Variants in GLUD1 observed in about 807,000 individuals in gnomAD.
GLUD1 encodes glutamate dehydrogenase 1, also known as glutamate dehydrogenase 1, mitochondrial.
In GLUD1, 22 loss-of-function variants were observed where a neutral mutation model predicts 56.0. The observed-to-expected ratio is 0.39, with a 90% confidence interval of 0.28 to 0.56. The LOEUF (loss-of-function observed/expected upper bound fraction) is 0.56, where lower values mean the gene tolerates loss of function less well. GLUD1 is among the 20% of genes least tolerant of loss of function. GLUD1 has a pLI of 0.58. For synonymous variants in GLUD1, 223 were observed against 269.9 expected, an observed-to-expected ratio of 0.83 and a Z score of 1.70; for missense variants, 451 against 732.0, an observed-to-expected ratio of 0.62 and a Z score of 4.43.
chr10:87,054,748 T>A (rs1293287093), intron 11 of GLUD1, among the ~76,000 whole-genome samples: 1 of 152,122 alleles, frequency 6.6e-6, no homozygotes, highest in East Asian at 1.9e-4. Flanking sequence ...CAGCATTTGG[T>A]AAGCTGAGGG....
At position 87,060,819 on chromosome 10, in the gene GLUD1, C is replaced by T; in HGVS notation, c.1066G>A (p.Gly356Arg). ...KELEDFKLQH[G>R]SILGFPKAKP... ...GCCTTGGGGAAGCCCAGAATGGACC[C>T]ATGTTGCTGCCATTGATTGAAAATC... Residue 356 changes from glycine to arginine, a missense_variant, in exon 8 of 13, where the codon GGG becomes AGG. By Grantham distance (125) the Gly-to-Arg change is moderately radical. This residue lies in a region of GLUD1 where 248 missense variants were observed against 460.0 expected (regional missense o/e 0.54). Coordinates refer to ENST00000277865, the MANE Select transcript of GLUD1 (RefSeq NM_005271.5). 1 of 1,614,180 alleles carries T rather than the reference C, an allele frequency of 6.2e-7. No individual in the cohort carries two copies. The highest frequency in any genetic ancestry group is 8.5e-7 in the Non-Finnish European group (1 of 1,180,038).
At chr10:87,076,064 TAA>T (rs1695611787) in intron 2 of GLUD1, 41 bp from the exon 3 acceptor site, 2 of 1,364,588 alleles carry the variant, frequency 1.5e-6, no homozygotes, top group African/African-American at 1.4e-5. Context: ...ATATAAATGT[TAA>T]AAAAGTAAAA....
intron 1 of GLUD1, among the ~76,000 whole-genome samples, chr10:87,083,826 C>T (rs1378414988): frequency 1.3e-5 from 2 of 152,060 alleles, no homozygotes; most frequent in African/African-American, 4.8e-5. Context: ...TACACACACA[C>T]ACACACACAC....
intron 11 of GLUD1, among the ~76,000 whole-genome samples, chr10:87,055,536 T>C (rs988023118): frequency 6.6e-6 from 1 of 152,178 alleles, no homozygotes; most frequent in Non-Finnish European, 1.5e-5. Flanking sequence ...GATGCACTGC[T>C]AGCCACTTGG....
intron 1 of GLUD1, among the ~76,000 whole-genome samples, chr10:87,081,559 G>C (rs1209246563): frequency 2.0e-5 from 3 of 152,122 alleles, no homozygotes; most frequent in Admixed American, 2.0e-4. Flanking sequence ...TGTCTGTGTG[G>C]AAAGAAGTAG....
chr10:87,061,535 TTAAG>T (rs1208476863), intron 6 of GLUD1, among the ~76,000 whole-genome samples: 2 of 152,064 alleles, frequency 1.3e-5, no homozygotes, highest in Non-Finnish European at 2.9e-5. Flanking sequence ...GGCAGTGGTG[TTAAG>T]TACACCACCA....
At chr10:87,084,657 G>C (rs1841340278) in intron 1 of GLUD1, among the ~76,000 whole-genome samples, 1 of 152,078 alleles carries the variant, frequency 6.6e-6, no homozygotes, top group Non-Finnish European at 1.5e-5. Flanking sequence ...CTTGAACCTG[G>C]TTCTCTTAAT....
chr10:87,074,506 T>G (rs1296194268), intron 4 of GLUD1, 45 bp downstream of exon 4: 1 of 1,141,826 alleles, frequency 8.8e-7, no homozygotes, highest in East Asian at 2.3e-5. Flanking sequence ...AAAAAAATTT[T>G]TAGATGTTCC....
At position 87,094,269 on chromosome 10, in the gene GLUD1, A is replaced by AGGGGAGGGCCGCAGGGGAGGC; in HGVS notation, c.445+35_445+55dup. ...CGGCCCCGCACCGGCAGGAGGCCGG[A>AGGGGAGGGCCGCAGGGGAGGC]GGGGAGGGCCGCAGGGGAGGCAGGG... is the stretch of plus-strand genomic sequence containing the variant. On this transcript the variant is annotated intron_variant, in intron 1 of 12. Transcript: ENST00000277865. The surrounding 1 kb of genome is among the most constrained non-coding windows in gnomAD (Gnocchi z 6.6). 1.3e-6 allele frequency: 2 copies of AGGGGAGGGCCGCAGGGGAGGC among 1,507,978 alleles called. No homozygotes were observed. The highest frequency in any genetic ancestry group is 1.8e-6 in the Non-Finnish European group (2 of 1,117,946). 93.4% of individuals were successfully genotyped at this position (1,507,978 alleles called of 1,614,324 possible). A position where few individuals can be genotyped will look rare whatever the true frequency, so the allele number is the denominator to read the frequency against.
rs141569975 is a variant in GLUD1, at chr10:87,060,024, C to T, written c.1278+137G>A. ...AGGCTTAGAATTAACCATGCTTCTACTATATTTTCTCAAAAGTGAAAAAGA... is the reference window on the plus strand; with the variant it reads ...AGGCTTAGAATTAACCATGCTTCTATTATATTTTCTCAAAAGTGAAAAAGA... On this transcript the variant is annotated intron_variant, in intron 9 of 12. Coordinates refer to ENST00000277865, the MANE Select transcript of GLUD1 (RefSeq NM_005271.5). 191 of 685,068 alleles carry T rather than the reference C, an allele frequency of 2.8e-4. No homozygotes were observed. The African/African-American group carries it at 3.1e-3, about 11-fold the overall frequency. The allele number at this position is 685,068 out of a possible 1,614,324, so 42.4% of individuals were successfully genotyped here. A position where few individuals can be genotyped will look rare whatever the true frequency, so the allele number is the denominator to read the frequency against.
intron 1 of GLUD1, among the ~76,000 whole-genome samples, chr10:87,080,062 C>G (rs554761226): frequency 4.0e-5 from 6 of 151,740 alleles, no homozygotes; most frequent in Non-Finnish European, 8.8e-5. Flanking sequence ...CTCAGCCTGC[C>G]GAGTGCCTGC....
intron 4 of GLUD1, among the ~76,000 whole-genome samples, chr10:87,069,505 ACT>A (rs1191014228): frequency 6.9e-6 from 1 of 145,768 alleles, no homozygotes; most frequent in East Asian, 2.0e-4. Context: ...ACAGAGTAAG[ACT>A]CTGTTTCAAA....
At chr10:87,081,063 A>G (rs1841230708) in intron 1 of GLUD1, among the ~76,000 whole-genome samples, 3 of 115,604 alleles carry the variant, frequency 2.6e-5, no homozygotes, top group Admixed American at 9.0e-5. Context: ...TCCGGGAGGG[A>G]GGTGGGGGGG....
At chr10:87,070,008 T>A (rs1486149599) in intron 4 of GLUD1, among the ~76,000 whole-genome samples, 1 of 152,270 alleles carries the variant, frequency 6.6e-6, no homozygotes, top group African/African-American at 2.4e-5. Flanking sequence ...ATTCCTTTAG[T>A]GACATACCTC....
chr10:87,087,017 A>T (rs1037003623), intron 1 of GLUD1, among the ~76,000 whole-genome samples: 9 of 151,776 alleles, frequency 5.9e-5, no homozygotes, highest in Non-Finnish European at 1.2e-4. Context: ...GCTCAGTCGC[A>T]CAAGACTGTT....
chr10:87,066,897 T>A (rs1244697677), intron 5 of GLUD1, among the ~76,000 whole-genome samples: 1 of 152,248 alleles, frequency 6.6e-6, no homozygotes, highest in Non-Finnish European at 1.5e-5. Context: ...TTCAGTTCTG[T>A]GGTACTACCT....
At chr10:87,063,061 T>G (rs927361911) in intron 5 of GLUD1, among the ~76,000 whole-genome samples, 16 of 128,824 alleles carry the variant, frequency 1.2e-4, no homozygotes, top group South Asian at 4.5e-4. Context: ...TTTTCTGTTT[T>G]TTTTTTTGTT....
intron 11 of GLUD1, among the ~76,000 whole-genome samples, chr10:87,054,065 T>C (rs1845705336): frequency 1.3e-5 from 2 of 152,168 alleles, no homozygotes; most frequent in African/African-American, 4.8e-5. Flanking sequence ...GAATGCTTTC[T>C]AAAAAATTAA....
intron 1 of GLUD1, 109 bp from the exon 2 acceptor site, chr10:87,076,765 C>T (rs1020246090): frequency 2.6e-6 from 2 of 761,554 alleles, no homozygotes; most frequent in African/African-American, 3.5e-5. Flanking sequence ...TGAAAATATC[C>T]ACTTTTTACA....
Sources: gnomAD v4.1 joint callset for allele counts (sites outside exome capture counted in the v4.1 genomes callset) on GRCh38, gnomAD v4.1.1 for gene constraint, gnomAD v4.1.1 regional missense constraint, Gnocchi (gnomAD v3.1) non-coding constraint, MANE v1.5 for transcripts, NCBI Gene and HGNC (gene_info 2026-07-23, HGNC 2026-07-21) for gene names.